Variants in CAPZA2 observed in about 807,000 individuals in gnomAD.
CAPZA2 encodes capping actin protein of muscle Z-line subunit alpha 2.
Under a neutral mutation model 44.0 loss-of-function variants are expected in CAPZA2, and 13 were observed. That is an observed-to-expected ratio of 0.30 (90% confidence interval 0.19 to 0.47). CAPZA2 has a LOEUF of 0.47. CAPZA2 is among the 20% of genes least tolerant of loss of function. The probability of loss-of-function intolerance (pLI) is 1.00; values close to 1 mark genes in which losing one functional copy is unlikely to be tolerated. For missense variants in CAPZA2, 244 were observed against 338.6 expected (o/e 0.72, Z 2.19); for synonymous variants, 94 against 108.2 (o/e 0.87, Z 0.81).
intron 1 of CAPZA2, among the ~76,000 whole-genome samples, chr7:116,877,037 C>G (rs1040361448): frequency 2.0e-5 from 3 of 152,148 alleles, no homozygotes; most frequent in Non-Finnish European, 2.9e-5. Flanking sequence ...TGTGTCTGTT[C>G]CCTGTGATAA....
chr7:116,865,162 A>G (rs1796466804), intron 1 of CAPZA2, among the ~76,000 whole-genome samples: 1 of 143,594 alleles, frequency 7.0e-6, no homozygotes, highest in African/African-American at 2.6e-5. Context: ...TTCTTGTGAC[A>G]TTATGCGCTC....
intron 1 of CAPZA2, among the ~76,000 whole-genome samples, chr7:116,879,819 A>G (rs1001095972): frequency 3.3e-5 from 5 of 152,204 alleles, no homozygotes; most frequent in Admixed American, 2.6e-4. Context: ...GAAATACTAC[A>G]TTCCCTCACC....
chr7:116,867,024 T>A (rs1348994986), intron 1 of CAPZA2, among the ~76,000 whole-genome samples: 1 of 152,202 alleles, frequency 6.6e-6, no homozygotes, highest in Non-Finnish European at 1.5e-5. Context: ...TTATTCTAAC[T>A]TTTTTTGGCC....
At chr7:116,887,868 A>G (rs1796784273) in intron 1 of CAPZA2, among the ~76,000 whole-genome samples, 1 of 152,136 alleles carries the variant, frequency 6.6e-6, no homozygotes, top group African/African-American at 2.4e-5. Context: ...AAAATAAGAA[A>G]TTGTTTATCT....
At chr7:116,916,008 A>C in intron 8 of CAPZA2, 52 bp from the exon 9 acceptor site, 2 of 1,199,310 alleles carry the variant, frequency 1.7e-6, no homozygotes, top group Non-Finnish European at 2.3e-6. Context: ...TTTTAAAATA[A>C]TAGTGGTTTA....
rs976266529 is a variant in CAPZA2, at chr7:116,920,311, C to G, written c.*2444C>G. The G allele has an allele frequency of 3.9e-5, 6 of 152,036 alleles. No individual in the cohort carries two copies. The highest frequency in any genetic ancestry group is 1.4e-4 in the African/African-American group (6 of 41,382). 9.4% of individuals were successfully genotyped at this position (152,036 alleles called of 1,614,324 possible). A position where few individuals can be genotyped will look rare whatever the true frequency, so the allele number is the denominator to read the frequency against. Reference sequence around the variant, plus strand: ...AAAGAAGAATGGAAACCCAGAGTATCCTATAGCTCAGGGATGTAATTTTAG... The same window carrying G: ...AAAGAAGAATGGAAACCCAGAGTATGCTATAGCTCAGGGATGTAATTTTAG... On this transcript the variant is annotated 3_prime_UTR_variant, in exon 10 of 10. Transcript: ENST00000361183.
chr7:116,917,898 T>A lies in CAPZA2; in HGVS notation c.*31T>A. On this transcript the variant is annotated 3_prime_UTR_variant, in exon 10 of 10. Coordinates refer to ENST00000361183, the MANE Select transcript of CAPZA2 (RefSeq NM_006136.3). Reference sequence around the variant, plus strand: ...ACATTGCATGACCGGATCATTTTAGTGTCTTTGCGTTAAAAAATCATTGCA... The same window carrying A: ...ACATTGCATGACCGGATCATTTTAGAGTCTTTGCGTTAAAAAATCATTGCA... 6.3e-7 allele frequency: 1 copy of A among 1,584,190 alleles called. No individual in the cohort carries two copies. Among genetic ancestry groups the A allele is most frequent in the Non-Finnish European group, 8.7e-7 (1 of 1,153,670 alleles).
chr7:116,868,850 A>T (rs1459620041), intron 1 of CAPZA2, among the ~76,000 whole-genome samples: 1 of 152,272 alleles, frequency 6.6e-6, no homozygotes, highest in South Asian at 2.1e-4. Context: ...TATTTCACCA[A>T]TAAAGTGTAA....
intron 3 of CAPZA2, among the ~76,000 whole-genome samples, chr7:116,897,810 C>T (rs1796947051): frequency 6.6e-6 from 1 of 152,012 alleles, no homozygotes; most frequent in Non-Finnish European, 1.5e-5. Flanking sequence ...TCACCATTTC[C>T]TACCTCACAC....
In CAPZA2 at chr7:116,865,177, C is replaced by CTTTTTTTT. The variant is rs1011886318; in HGVS notation, c.39+2546_39+2553dup. Among the ~76,000 whole-genome samples the CTTTTTTTT allele has an allele frequency of 1.2e-3, 104 of 87,988 alleles. 5 individuals are homozygous for CTTTTTTTT. Among genetic ancestry groups the CTTTTTTTT allele is most frequent in the Middle Eastern group, 6.8e-3 (1 of 146 alleles). The allele number at this position is 87,988 out of a possible 152,430, so 57.7% of individuals were successfully genotyped here. On this transcript the variant is annotated intron_variant, in intron 1 of 9. Coordinates refer to ENST00000361183, the MANE Select transcript of CAPZA2 (RefSeq NM_006136.3). ...TTCTTGTGACATTATGCGCTCTCTT[C>CTTTTTTTT]TTTTTTTTTTTTTTTTTTTTTTTTT...
chr7:116,881,932 T>C (rs1003237885), intron 1 of CAPZA2, among the ~76,000 whole-genome samples: 1 of 152,036 alleles, frequency 6.6e-6, no homozygotes, highest in Non-Finnish European at 1.5e-5. Context: ...AGACTGATTA[T>C]TTTGTAGGCT....
chr7:116,877,823 A>G lies in CAPZA2; in HGVS notation c.40-10304A>G, dbSNP rs543125884. Among the ~76,000 whole-genome samples, 72 of 152,352 alleles carry G rather than the reference A, an allele frequency of 4.7e-4. 1 individual carries two copies. The highest frequency in any genetic ancestry group is 1.6e-3 in the African/African-American group (66 of 41,582). ...ATCGAGTGATCTTGACAGGGAAGAA[A>G]AATCAGAATTTGCATTGAAAAATAC... On this transcript the variant is annotated intron_variant, in intron 1 of 9. Transcript: ENST00000361183.
intron 4 of CAPZA2, among the ~76,000 whole-genome samples, chr7:116,902,105 T>G (rs1369436857): frequency 6.6e-6 from 1 of 152,108 alleles, no homozygotes; most frequent in Non-Finnish European, 1.5e-5. Flanking sequence ...TGAAAAATTT[T>G]ATACAGATAT....
Position 116,880,604 on chromosome 7 carries a change from G to T in CAPZA2, c.40-7523G>T, listed in dbSNP as rs544779158. ...TAGAAACGGTTTTTTACCGTGTTGG[G>T]CAGGCTGGTCTTGAACTCCTGACCT... On this transcript the variant is annotated intron_variant, in intron 1 of 9. Coordinates refer to ENST00000361183, the MANE Select transcript of CAPZA2 (RefSeq NM_006136.3). Among the ~76,000 whole-genome samples, 9 of 149,752 alleles carry T rather than the reference G, an allele frequency of 6.0e-5. No individual in the cohort carries two copies. The East Asian group carries it at 1.8e-3, about 29-fold the overall frequency.
rs71148337 is a variant in CAPZA2, at chr7:116,879,124, C to CAAAA, written c.40-8981_40-8978dup. ...CTGGCGACAGAGCATAACTCTGTCTCAAAAAAAAAAAAAAAAAAAAAAAAA... is the reference window on the plus strand; with the variant it reads ...CTGGCGACAGAGCATAACTCTGTCTCAAAAAAAAAAAAAAAAAAAAAAAAAAAAA... On this transcript the variant is annotated intron_variant, in intron 1 of 9. Transcript: ENST00000361183. Among the ~76,000 whole-genome samples, 59 of 45,264 alleles carry CAAAA rather than the reference C, an allele frequency of 1.3e-3. 1 individual carries two copies. The highest frequency in any genetic ancestry group is 2.0e-3 in the East Asian group (3 of 1,480). The allele number at this position is 45,264 out of a possible 152,430, so 29.7% of individuals were successfully genotyped here. A position where few individuals can be genotyped will look rare whatever the true frequency, so the allele number is the denominator to read the frequency against.
intron 1 of CAPZA2, among the ~76,000 whole-genome samples, chr7:116,868,185 C>G (rs943413668): frequency 2.0e-5 from 3 of 152,174 alleles, no homozygotes; most frequent in African/African-American, 7.2e-5. Context: ...CTGAACTCTT[C>G]AAGAGATCGT....
At chr7:116,899,865 A>C (rs1276987273) in intron 4 of CAPZA2, among the ~76,000 whole-genome samples, 1 of 151,686 alleles carries the variant, frequency 6.6e-6, no homozygotes, top group African/African-American at 2.4e-5. Context: ...GATAAAACAA[A>C]AAAGGTAAAC....
At chr7:116,895,248 A>T (rs965899020) in intron 3 of CAPZA2, among the ~76,000 whole-genome samples, 1 of 152,036 alleles carries the variant, frequency 6.6e-6, no homozygotes, top group African/African-American at 2.4e-5. Flanking sequence ...GAAATGAGAA[A>T]CTTGGTAAGT....
rs756167030 is a variant in CAPZA2, at chr7:116,904,416, T to G, written c.426+33T>G. 7.5e-6 allele frequency: 10 copies of G among 1,336,282 alleles called. No individual in the cohort carries two copies. The South Asian group carries it at 8.3e-5, about 11-fold the overall frequency. The allele number at this position is 1,336,282 out of a possible 1,614,324, so 82.8% of individuals were successfully genotyped here. On this transcript the variant is annotated intron_variant, in intron 5 of 9. Transcript: ENST00000361183. ...ATCAGTAGCAGCTTTGTGTGTGTGT[T>G]TTGTGTAAATGTGAGTCTTTAGCGT...
Sources: allele counts gnomAD v4.1 joint callset (sites outside exome capture counted in the v4.1 genomes callset), GRCh38; gene constraint gnomAD v4.1.1; transcripts MANE v1.5; gene names NCBI Gene and HGNC (gene_info 2026-07-23, HGNC 2026-07-21).